Variants in EFCAB11 observed in about 807,000 individuals in gnomAD.
The protein encoded by EFCAB11 is EF-hand calcium-binding domain-containing protein 11.
A neutral mutation model predicts 23.0 loss-of-function variants in EFCAB11; 14 were observed. The observed-to-expected ratio is 0.61, with a 90% CI of 0.40 to 0.95. The LOEUF is 0.95. EFCAB11 is among the 40% of genes least tolerant of loss of function. The pLI, the probability that EFCAB11 is intolerant of heterozygous loss-of-function variation, is 0.00. For missense variants in EFCAB11, 198 were observed against 195.8 expected (o/e 1.01, Z -0.07); for synonymous variants, 65 against 66.6 (o/e 0.98, Z 0.11).
intron 5 of EFCAB11, among the ~76,000 whole-genome samples, chr14:89,901,738 A>G (rs1467320335): frequency 6.6e-6 from 1 of 152,210 alleles, no homozygotes; most frequent in Non-Finnish European, 1.5e-5. Context: ...ATGGTGTGAA[A>G]TATGATATGA....
At chr14:89,853,081 A>G (rs1887644170) in intron 5 of EFCAB11, among the ~76,000 whole-genome samples, 1 of 152,232 alleles carries the variant, frequency 6.6e-6, no homozygotes, top group Non-Finnish European at 1.5e-5. Context: ...ATACTTTTAC[A>G]TTCCATCTGT....
intron 5 of EFCAB11, among the ~76,000 whole-genome samples, chr14:89,906,617 A>G (rs968917613): frequency 1.3e-5 from 2 of 152,210 alleles, no homozygotes; most frequent in African/African-American, 4.8e-5. Flanking sequence ...ATTGTGTGTG[A>G]TTTAATGATA....
intron 5 of EFCAB11, chr14:89,831,225 A>T (rs8016724): frequency 0.4 from 61,551 of 152,062 alleles, 13,744 homozygotes; most frequent in East Asian, 0.72. Context: ...TTCTGGCACA[A>T]GCAACACAAA....
At chr14:89,831,529 G>A (rs1280746359) in intron 5 of EFCAB11, among the ~76,000 whole-genome samples, 1 of 152,096 alleles carries the variant, frequency 6.6e-6, no homozygotes, top group Non-Finnish European at 1.5e-5. Flanking sequence ...TGAATGGTAC[G>A]ACAGCATTTT....
chr14:89,806,615 A>G (rs142439380), intron 5 of EFCAB11, among the ~76,000 whole-genome samples: 241 of 152,264 alleles, frequency 1.6e-3, no homozygotes, highest in African/African-American at 5.3e-3. Context: ...TGCCGTAAAT[A>G]TGCAACTACC....
intron 5 of EFCAB11, among the ~76,000 whole-genome samples, chr14:89,818,228 T>C (rs1454216570): frequency 6.6e-6 from 1 of 152,160 alleles, no homozygotes; most frequent in Non-Finnish European, 1.5e-5. Context: ...TTTAAGTAAA[T>C]GTTCAACTTG....
chr14:89,920,716 G>A (rs903954553), intron 5 of EFCAB11, among the ~76,000 whole-genome samples: 3 of 152,206 alleles, frequency 2.0e-5, no homozygotes, highest in Non-Finnish European at 1.5e-5. Context: ...TATGGCAAGT[G>A]TTATAGGAGT....
At chr14:89,915,790 A>G (rs558975828) in intron 5 of EFCAB11, among the ~76,000 whole-genome samples, 1 of 152,360 alleles carries the variant, frequency 6.6e-6, no homozygotes, top group Non-Finnish European at 1.5e-5. Context: ...TAAAAGAGAG[A>G]GCAAACTAAA....
At chr14:89,806,336 A>T (rs753617950) in intron 5 of EFCAB11, among the ~76,000 whole-genome samples, 1 of 152,242 alleles carries the variant, frequency 6.6e-6, no homozygotes, top group Non-Finnish European at 1.5e-5. Context: ...TGCAATCAAC[A>T]TATAGCCCAA....
intron 5 of EFCAB11, among the ~76,000 whole-genome samples, chr14:89,846,973 G>T (rs779685397): frequency 2.6e-5 from 4 of 152,066 alleles, no homozygotes; most frequent in Non-Finnish European, 4.4e-5. Context: ...TACTATTTCT[G>T]CCCGATACAT....
At chr14:89,859,933 G>A (rs139927870) in intron 5 of EFCAB11, among the ~76,000 whole-genome samples, 14 of 152,244 alleles carry the variant, frequency 9.2e-5, no homozygotes, top group Non-Finnish European at 1.6e-4. Flanking sequence ...CTCTGATACC[G>A]TCTTCTCACT....
chr14:89,881,531 T>C (rs975312727), intron 5 of EFCAB11, among the ~76,000 whole-genome samples: 9 of 142,426 alleles, frequency 6.3e-5, no homozygotes, highest in African/African-American at 2.3e-4. Flanking sequence ...CACTGCAAAC[T>C]CTGCCTCCCA....
intron 5 of EFCAB11, among the ~76,000 whole-genome samples, chr14:89,908,174 G>A (rs1193910184): frequency 6.6e-6 from 1 of 152,102 alleles, no homozygotes; most frequent in Admixed American, 6.5e-5. Context: ...AACCTTTTAT[G>A]TTCTCCCACT....
chr14:89,894,330 T>C (rs1291952753), intron 5 of EFCAB11, among the ~76,000 whole-genome samples: 1 of 152,002 alleles, frequency 6.6e-6, no homozygotes, highest in Non-Finnish European at 1.5e-5. Flanking sequence ...ACAAGTGCCA[T>C]GGTGGTTTGC....
chr14:89,892,277 T>A, intron 5 of EFCAB11: 3 of 1,613,666 alleles, frequency 1.9e-6, no homozygotes, highest in Non-Finnish European at 2.5e-6. Context: ...TAAAAACAAC[T>A]GCAATGTGGA....
intron 3 of EFCAB11, among the ~76,000 whole-genome samples, chr14:89,945,971 T>G (rs888184373): frequency 6.0e-5 from 9 of 151,016 alleles, no homozygotes; most frequent in Non-Finnish European, 8.8e-5. Flanking sequence ...CAGGCTGGAG[T>G]GCCGTGATGC....
chr14:89,879,519 C>A (rs1278027887), intron 5 of EFCAB11, among the ~76,000 whole-genome samples: 1 of 151,800 alleles, frequency 6.6e-6, no homozygotes, highest in African/African-American at 2.4e-5. Context: ...AAACATGCCA[C>A]CCCTCCAAAA....
intron 5 of EFCAB11, among the ~76,000 whole-genome samples, chr14:89,804,120 C>T (rs564227792): frequency 6.6e-6 from 1 of 152,312 alleles, no homozygotes; most frequent in East Asian, 1.9e-4. Context: ...GAGCCAGTAG[C>T]AGTATCTTTT....
At chr14:89,951,754 CAA>C (rs112997885) in intron 2 of EFCAB11, among the ~76,000 whole-genome samples, 4 of 115,974 alleles carry the variant, frequency 3.4e-5, no homozygotes, top group Admixed American at 9.1e-5. Context: ...ACTAAAAACA[CAA>C]AAAAAAAAAA....
Sources: allele counts gnomAD v4.1 joint callset (sites outside exome capture counted in the v4.1 genomes callset), GRCh38; gene constraint gnomAD v4.1.1; transcripts MANE v1.5; gene names NCBI Gene and HGNC (gene_info 2026-07-23, HGNC 2026-07-21).